Variants in EPS8 observed in about 807,000 individuals in gnomAD.
The protein encoded by EPS8 is EGFR pathway substrate 8, signaling adaptor.
A neutral mutation model predicts 103.8 loss-of-function variants in EPS8; 42 were observed. The ratio of observed to expected loss-of-function variants is 0.40; its 90% CI spans 0.32 to 0.52. The LOEUF (loss-of-function observed/expected upper bound fraction) is 0.52, where lower values mean the gene tolerates loss of function less well. Among genes scored for constraint, EPS8 ranks in the 20% least tolerant of loss-of-function variants. The probability of loss-of-function intolerance (pLI) is 0.40; values close to 1 mark genes in which losing one functional copy is unlikely to be tolerated. For missense variants in EPS8, 969 were observed against 1,005.1 expected (o/e 0.96, Z 0.49); for synonymous variants, 344 against 344.6 (o/e 1.00, Z 0.02).
chr12:15,718,823 T>C (rs1281832770), intron 1 of EPS8, among the ~76,000 whole-genome samples: 1 of 34,170 alleles, frequency 2.9e-5, no homozygotes, highest in Admixed American at 5.5e-4. Context: ...ACAGGACTAC[T>C]TCAGCTTATT....
intron 1 of EPS8, among the ~76,000 whole-genome samples, chr12:15,742,500 C>CA (rs1681751738): frequency 1.3e-5 from 2 of 152,198 alleles, no homozygotes; most frequent in Admixed American, 6.5e-5. Flanking sequence ...AACATCAATG[C>CA]AAAAATCCTC....
At chr12:15,655,400 A>C (rs1033916201) in intron 12 of EPS8, among the ~76,000 whole-genome samples, 3 of 152,230 alleles carry the variant, frequency 2.0e-5, no homozygotes, top group Non-Finnish European at 2.9e-5. Context: ...ACATTACACT[A>C]TTACACTGTA....
rs1946067470 is a variant in EPS8 at position 15,684,745 on chromosome 12, G to C, written c.-21-1773C>G. 6.6e-6 allele frequency among the ~76,000 whole-genome samples: 1 copy of C among 152,180 alleles called. No individual in the cohort carries two copies. Among genetic ancestry groups the C allele is most frequent in the Admixed American group, 6.5e-5 (1 of 15,270 alleles). On this transcript the variant is annotated intron_variant, in intron 1 of 20. Coordinates refer to ENST00000281172, the MANE Select transcript of EPS8 (RefSeq NM_004447.6). This position sits in a 1 kb window ranked among gnomAD's most constrained non-coding sequence, Gnocchi z 4.9. ...ACCTAGTTCTTAAAAAAATGGGTAA[G>C]AATGGCCCTCAAAACACTGGACTTT... is the stretch of plus-strand genomic sequence containing the variant.
rs569868687 is a variant in EPS8 at position 15,627,295 on chromosome 12, C to T, written c.2045-2888G>A. Among the ~76,000 whole-genome samples the T allele has an allele frequency of 2.6e-5, 4 of 152,226 alleles. No homozygotes were observed. In the East Asian group the frequency reaches 5.8e-4, roughly 22 times the overall value. On this transcript the variant is annotated intron_variant, in intron 18 of 20. Transcript: ENST00000281172. ...CTGGGATTACAGGCATGAGCCACCGCGCCCAGCCAACTTAATCGTTTTTTA... is the reference window on the plus strand; with the variant it reads ...CTGGGATTACAGGCATGAGCCACCGTGCCCAGCCAACTTAATCGTTTTTTA...
At chr12:15,782,671 T>A (rs749103662) in intron 1 of EPS8, among the ~76,000 whole-genome samples, 1 of 152,058 alleles carries the variant, frequency 6.6e-6, no homozygotes, top group Non-Finnish European at 1.5e-5. Flanking sequence ...TTAGAAAAAA[T>A]TAAAATTTAT....
intron 8 of EPS8, among the ~76,000 whole-genome samples, chr12:15,663,945 AATAATATAT>A (rs1565487250): frequency 2.2e-4 from 5 of 23,120 alleles, no homozygotes; most frequent in African/African-American, 1.5e-3. Context: ...AAAAAAAAAA[AATAATATAT>A]ATATATATAT....
intron 2 of EPS8, 55 bp from the exon 3 acceptor site, chr12:15,681,357 G>A: frequency 4.0e-6 from 3 of 759,436 alleles, no homozygotes; most frequent in South Asian, 8.5e-5. Context: ...CATTGTGTTG[G>A]GTTAAAGTCC....
intron 10 of EPS8, among the ~76,000 whole-genome samples, chr12:15,660,040 A>G (rs1185232938): frequency 6.6e-6 from 1 of 152,182 alleles, no homozygotes; most frequent in African/African-American, 2.4e-5. Context: ...ACTAATGAAA[A>G]CTACAGATAG....
At chr12:15,773,571 TAAGAA>T (rs1266628670) in intron 1 of EPS8, among the ~76,000 whole-genome samples, 1 of 151,246 alleles carries the variant, frequency 6.6e-6, no homozygotes, top group Non-Finnish European at 1.5e-5. Flanking sequence ...GCATTGGGGA[TAAGAA>T]GAGAGACATG....
rs928571374 is a variant in EPS8, at chr12:15,772,444, T to C, written c.-22+16717A>G. The stretch of plus-strand genomic sequence containing the variant: ...CCTAGAAAGAGAATGAAACTTAGGC[T>C]GTAACATGAAATGAGATGAAGGCTA... On this transcript the variant is annotated intron_variant, in intron 1 of 20. Coordinates refer to ENST00000281172, the MANE Select transcript of EPS8 (RefSeq NM_004447.6). The surrounding 1 kb of genome is among the most constrained non-coding windows in gnomAD (Gnocchi z 5.0). Among the ~76,000 whole-genome samples, 2 of 152,124 alleles carry C rather than the reference T, an allele frequency of 1.3e-5. No homozygotes were observed. Among genetic ancestry groups the C allele is most frequent in the African/African-American group, 4.8e-5 (2 of 41,420 alleles).
rs1372458343 is a variant in EPS8 at position 15,659,804 on chromosome 12, T to C, written c.937+810A>G. ...TATAGCTGAGGCCATTTTAAATAGC[T>C]GAACTGCAGCATACTTCAAAATTGT... On this transcript the variant is annotated intron_variant, in intron 10 of 20. Transcript: ENST00000281172. Among the ~76,000 whole-genome samples, 5 of 152,208 alleles carry C rather than the reference T, an allele frequency of 3.3e-5. No homozygotes were observed. In the East Asian group the frequency reaches 9.6e-4, roughly 29 times the overall value.
intron 17 of EPS8, among the ~76,000 whole-genome samples, chr12:15,639,711 A>G (rs957138519): frequency 6.6e-6 from 1 of 152,202 alleles, no homozygotes. Context: ...ACTGAAATAA[A>G]TTGTCACGGC....
chr12:15,663,953 AT>A (rs1356341239), intron 8 of EPS8, among the ~76,000 whole-genome samples: 7 of 27,342 alleles, frequency 2.6e-4, no homozygotes, highest in African/African-American at 1.8e-3. Context: ...AAAATAATAT[AT>A]ATATATATAT....
At chr12:15,665,996 G>T in intron 7 of EPS8, 104 bp from the exon 8 acceptor site, 1 of 1,166,158 alleles carries the variant, frequency 8.6e-7, no homozygotes, top group Non-Finnish European at 1.2e-6. Context: ...AAAGAACTAT[G>T]TCAAGGGACA....
rs566148803 is a variant in EPS8 at position 15,721,516 on chromosome 12, A to G, written c.-21-38544T>C. Among the ~76,000 whole-genome samples, 2 of 152,312 alleles carry G rather than the reference A, an allele frequency of 1.3e-5. No individual in the cohort carries two copies. The highest frequency in any genetic ancestry group is 2.9e-5 in the Non-Finnish European group (2 of 68,026). On this transcript the variant is annotated intron_variant, in intron 1 of 20. Transcript: ENST00000281172. This position sits in a 1 kb window ranked among gnomAD's most constrained non-coding sequence, Gnocchi z 4.4. ...GAAGCAGCCGGTTCTGTGAACCAAT[A>G]GATAAAAAATTTCATCTCCAAACCC... is the stretch of plus-strand genomic sequence containing the variant.
chr12:15,670,778 CAG>C lies in EPS8; in HGVS notation c.204+76_204+77del, dbSNP rs372715832. The C allele has an allele frequency of 7.5e-4, 747 of 1,001,602 alleles. 9 individuals are homozygous for C. The East Asian group carries it at 0.016, about 22-fold the overall frequency. The allele number at this position is 1,001,602 out of a possible 1,614,324, so 62.0% of individuals were successfully genotyped here. A position where few individuals can be genotyped will look rare whatever the true frequency, so the allele number is the denominator to read the frequency against. On this transcript the variant is annotated intron_variant, in intron 4 of 20. Coordinates refer to ENST00000281172, the MANE Select transcript of EPS8 (RefSeq NM_004447.6). ...AATACATCATAAGAATGAAATAAAA[CAG>C]AATTCTGATTTAACTTCCAATTTTT...
intron 13 of EPS8, 30 bp from the exon 14 acceptor site, chr12:15,651,036 A>G (rs758679455): frequency 6.3e-7 from 1 of 1,584,816 alleles, no homozygotes; most frequent in South Asian, 1.1e-5. Context: ...CATATAAACA[A>G]TAAAATCTAG....
chr12:15,754,975 A>G (rs891406792), intron 1 of EPS8, among the ~76,000 whole-genome samples: 7 of 152,210 alleles, frequency 4.6e-5, no homozygotes, highest in African/African-American at 1.7e-4. Context: ...TCTGAAGCCT[A>G]AACCTTGCGA....
In EPS8 at chr12:15,780,472, G is replaced by C. The variant is rs976905872; in HGVS notation, c.-22+8689C>G. 1 of 99,284 alleles carries C rather than the reference G, an allele frequency of 1.0e-5. No homozygotes were observed. Among genetic ancestry groups the C allele is most frequent in the Non-Finnish European group, 2.3e-5 (1 of 44,222 alleles). The allele number at this position is 99,284 out of a possible 1,614,324, so 6.2% of individuals were successfully genotyped here. ...AGTGAGGCTCTCCTTTCTGCTATGT[G>C]CTGGGATAAACACACACACACACAC... On this transcript the variant is annotated intron_variant, in intron 1 of 20. Transcript: ENST00000281172. The surrounding 1 kb of genome is among the most constrained non-coding windows in gnomAD (Gnocchi z 4.1).
Sources: gnomAD v4.1 joint callset for allele counts (sites outside exome capture counted in the v4.1 genomes callset) on GRCh38, gnomAD v4.1.1 for gene constraint, Gnocchi (gnomAD v3.1) non-coding constraint, MANE v1.5 for transcripts, NCBI Gene and HGNC (gene_info 2026-07-23, HGNC 2026-07-21) for gene names.